Variants in GRK2 observed in about 807,000 individuals in gnomAD.
GRK2 encodes the protein adrenergic beta receptor kinase 1.
In GRK2, 23 loss-of-function variants were observed where a neutral mutation model predicts 97.8. The ratio of observed to expected loss-of-function variants is 0.24; its 90% CI spans 0.17 to 0.33. The LOEUF is 0.33. Ranked by LOEUF, GRK2 falls within the 10% of genes least tolerant of loss-of-function variation. GRK2 has a pLI of 1.00. For missense variants in GRK2, 633 were observed against 956.9 expected (o/e 0.66, Z 4.47); for synonymous variants, 425 against 381.7 (o/e 1.11, Z -1.32).
Position 67,285,491 on chromosome 11 carries a change from C to T in GRK2, c.*41C>T, listed in dbSNP as rs775108273. 15 of 1,486,376 alleles carry T rather than the reference C, an allele frequency of 1.0e-5. No homozygotes were observed. The highest frequency in any genetic ancestry group is 7.3e-5 in the Admixed American group (3 of 41,026). The allele number at this position is 1,486,376 out of a possible 1,614,324, so 92.1% of individuals were successfully genotyped here. ...TTTATAAACCTCTAATTTATTTTGT[C>T]GAATTTTTATTATTTGTTTTCCCGC... On this transcript the variant is annotated 3_prime_UTR_variant, in exon 21 of 21. Coordinates refer to ENST00000308595, the MANE Select transcript of GRK2 (RefSeq NM_001619.5).
chr11:67,284,149 G>A (rs1590855681), intron 17 of GRK2, 62 bp from the exon 18 acceptor site: 3 of 1,602,060 alleles, frequency 1.9e-6, no homozygotes, highest in East Asian at 4.5e-5. Flanking sequence ...GGCAGCCTGT[G>A]GCTGATGGTA....
Position 67,281,249 on chromosome 11 carries a change from G to T in GRK2, c.647+65G>T. 1 of 1,465,156 alleles carries T rather than the reference G, an allele frequency of 6.8e-7. No homozygotes were observed. The highest frequency in any genetic ancestry group is 1.8e-5 in the Admixed American group (1 of 56,348). 90.8% of individuals were successfully genotyped at this position (1,465,156 alleles called of 1,614,324 possible). On this transcript the variant is annotated intron_variant, in intron 8 of 20. Transcript: ENST00000308595. This position sits in a 1 kb window ranked among gnomAD's most constrained non-coding sequence, Gnocchi z 5.7. ...CCGGGCTCCTGGGGGACCCTGACAG[G>T]CCGGGTTCCACACAGGGCCACCTGC...
At chr11:67,280,938 C>A in intron 7 of GRK2, 155 bp downstream of exon 7, 2 of 1,121,154 alleles carry the variant, frequency 1.8e-6, no homozygotes, top group Non-Finnish European at 2.7e-6. Flanking sequence ...GGGATCCCAG[C>A]ATGGGGAGGC....
chr11:67,274,043 C>CA (rs1859968848), intron 1 of GRK2, among the ~76,000 whole-genome samples: 1 of 142,118 alleles, frequency 7.0e-6, no homozygotes, highest in Admixed American at 7.5e-5. Context: ...GACAGAGTCT[C>CA]ACTCTGTCAC....
At position 67,279,537 on chromosome 11, in the gene GRK2, G is replaced by T. The variant is rs777368680; in HGVS notation, c.366+18G>T. On this transcript the variant is annotated intron_variant, in intron 4 of 20. Coordinates refer to ENST00000308595, the MANE Select transcript of GRK2 (RefSeq NM_001619.5). ...GCTCGCATGTGAGTGTCCTCAGCTG[G>T]CCCTGTGTGCTGGCCCAGAGTCACC... The T allele has an allele frequency of 1.9e-5, 30 of 1,612,752 alleles. No homozygotes were observed. Among genetic ancestry groups the T allele is most frequent in the Non-Finnish European group, 2.5e-5 (29 of 1,179,868 alleles).
rs985699501 is a variant in GRK2 at position 67,286,374 on chromosome 11, G to A, written c.*924G>A. 31 of 697,986 alleles carry A rather than the reference G, an allele frequency of 4.4e-5. No homozygotes were observed. The highest frequency in any genetic ancestry group is 5.7e-5 in the Non-Finnish European group (22 of 383,222). 43.2% of individuals were successfully genotyped at this position (697,986 alleles called of 1,614,324 possible). A position where few individuals can be genotyped will look rare whatever the true frequency, so the allele number is the denominator to read the frequency against. ...TGTCAGTGCCGCCGCCTCGCCCACC[G>A]CATGCCCCCTCGTGCCAGTCGCGCT... On this transcript the variant is annotated 3_prime_UTR_variant, in exon 21 of 21. Coordinates refer to ENST00000308595, the MANE Select transcript of GRK2 (RefSeq NM_001619.5).
chr11:67,266,853 G>T (rs1375822671), intron 1 of GRK2, 41 bp downstream of exon 1: 4 of 1,055,156 alleles, frequency 3.8e-6, no homozygotes, highest in Admixed American at 9.3e-5. Context: ...GACCCCGCGG[G>T]CGCCCCGGCC....
rs1860235773 is a variant in GRK2 at position 67,284,833 on chromosome 11, G to C, written c.1655-14G>C. ...AGGTGGGGCCGGCTGAGTCTCCTCT[G>C]TCTCTCGCCTCAGACTACGCCCTGG... On this transcript the variant is annotated splice_polypyrimidine_tract_variant and intron_variant, in intron 18 of 20. Transcript: ENST00000308595. 3 of 1,611,128 alleles carry C rather than the reference G, an allele frequency of 1.9e-6. No homozygotes were observed. The highest frequency in any genetic ancestry group is 2.5e-6 in the Non-Finnish European group (3 of 1,179,516).
In GRK2 at chr11:67,281,396, CCT is replaced by C. The variant is rs1262952560; in HGVS notation, c.648-62_648-61del. On this transcript the variant is annotated intron_variant, in intron 8 of 20. Coordinates refer to ENST00000308595, the MANE Select transcript of GRK2 (RefSeq NM_001619.5). This position sits in a 1 kb window ranked among gnomAD's most constrained non-coding sequence, Gnocchi z 5.7. ...GGTCTAGTCTTTCCCTCAAGCGCCC[CCT>C]GAGGCAGCCCTGGGCCCCTGCTCTG... 2.9e-5 allele frequency: 43 copies of C among 1,492,188 alleles called. No individual in the cohort carries two copies. The highest frequency in any genetic ancestry group is 1.7e-4 in the Middle Eastern group (1 of 5,862). The allele number at this position is 1,492,188 out of a possible 1,614,324, so 92.4% of individuals were successfully genotyped here. A position where few individuals can be genotyped will look rare whatever the true frequency, so the allele number is the denominator to read the frequency against.
In GRK2 at chr11:67,282,018, G is replaced by A. The variant is rs1860163705; in HGVS notation, c.957+66G>A. 9 of 1,598,808 alleles carry A rather than the reference G, an allele frequency of 5.6e-6. No homozygotes were observed. The highest frequency in any genetic ancestry group is 7.7e-6 in the Non-Finnish European group (9 of 1,170,500). On this transcript the variant is annotated intron_variant, in intron 11 of 20. Coordinates refer to ENST00000308595, the MANE Select transcript of GRK2 (RefSeq NM_001619.5). This position sits in a 1 kb window ranked among gnomAD's most constrained non-coding sequence, Gnocchi z 6.9. ...GTCCTCTCCTTCCTCTCGACATCCC[G>A]GCCACCAGGCCCAGAGGAGTGGGGC... is the stretch of plus-strand genomic sequence containing the variant.
rs576362075 is a variant in GRK2, at chr11:67,286,444, G to A, written c.*994G>A. The stretch of plus-strand genomic sequence containing the variant: ...TTCTCCCCCCCGGGGCTGGGTTGGC[G>A]CACCCTCCCCTCCCGTCTACTCATT... On this transcript the variant is annotated 3_prime_UTR_variant, in exon 21 of 21. Transcript: ENST00000308595. The A allele has an allele frequency of 4.1e-5, 29 of 698,980 alleles. No homozygotes were observed. The highest frequency in any genetic ancestry group is 2.0e-4 in the Admixed American group (10 of 49,372). 43.3% of individuals were successfully genotyped at this position (698,980 alleles called of 1,614,324 possible).
chr11:67,286,142 G>T lies in GRK2; in HGVS notation c.*692G>T. ...CACCCGGGCTCAGGGACCACAGCAA[G>T]GCACCTGCAGGTTGGGCCATACTGG... On this transcript the variant is annotated 3_prime_UTR_variant, in exon 21 of 21. Coordinates refer to ENST00000308595, the MANE Select transcript of GRK2 (RefSeq NM_001619.5). The T allele has an allele frequency of 2.1e-6, 1 of 477,522 alleles. No individual in the cohort carries two copies. The highest frequency in any genetic ancestry group is 3.7e-6 in the Non-Finnish European group (1 of 270,312). 29.6% of individuals were successfully genotyped at this position (477,522 alleles called of 1,614,324 possible).
chr11:67,285,280 G>A lies in GRK2; in HGVS notation c.1906-6G>A, dbSNP rs1860251927. ...CAGCTGACAGAGCTGGGCTTGGCAT[G>A]TGCAGAGCGACCCTGAGCTGGTGCA... is the stretch of plus-strand genomic sequence containing the variant. On this transcript the variant is annotated splice_region_variant and splice_polypyrimidine_tract_variant and intron_variant, in intron 20 of 20. Transcript: ENST00000308595. 6.2e-7 allele frequency: 1 copy of A among 1,608,742 alleles called. No individual in the cohort carries two copies.
chr11:67,281,339 C>T lies in GRK2; in HGVS notation c.648-120C>T. ...CAGGCTCCTCTGGCCCCAGCCCTCC[C>T]TGTCTCTGATTTGTGTCACACGCTG... is the stretch of plus-strand genomic sequence containing the variant. On this transcript the variant is annotated intron_variant, in intron 8 of 20. Transcript: ENST00000308595. This position sits in a 1 kb window ranked among gnomAD's most constrained non-coding sequence, Gnocchi z 5.7. The T allele has an allele frequency of 8.9e-7, 1 of 1,128,072 alleles. No homozygotes were observed. Among genetic ancestry groups the T allele is most frequent in the Non-Finnish European group, 1.3e-6 (1 of 768,822 alleles). 69.9% of individuals were successfully genotyped at this position (1,128,072 alleles called of 1,614,324 possible).
chr11:67,282,693 C>T lies in GRK2; in HGVS notation c.1161-59C>T, dbSNP rs1860180927. 1.3e-6 allele frequency: 2 copies of T among 1,596,824 alleles called. No individual in the cohort carries two copies. Among genetic ancestry groups the T allele is most frequent in the Admixed American group, 1.7e-5 (1 of 58,554 alleles). On this transcript the variant is annotated intron_variant, in intron 13 of 20. Transcript: ENST00000308595. This position sits in a 1 kb window ranked among gnomAD's most constrained non-coding sequence, Gnocchi z 6.9. ...CTTTGGCCACAGCTCATCCATGCTG[C>T]CTGCCTCCCTTTCCCCATTCCTGTC...
At chr11:67,268,614 C>T (rs1200047553) in intron 1 of GRK2, among the ~76,000 whole-genome samples, 1 of 152,144 alleles carries the variant, frequency 6.6e-6, no homozygotes, top group African/African-American at 2.4e-5. Context: ...TGTCTGCGTT[C>T]GGGTAATCTC....
At chr11:67,280,942 G>C (rs1860135269) in intron 7 of GRK2, 151 bp from the exon 8 acceptor site, 1 of 1,119,702 alleles carries the variant, frequency 8.9e-7, no homozygotes. Flanking sequence ...TCCCAGCATG[G>C]GGAGGCCGGA....
chr11:67,284,926 G>A lies in GRK2; in HGVS notation c.1734G>A (p.Arg578=). 1.2e-6 allele frequency: 2 copies of A among 1,613,122 alleles called. No homozygotes were observed. The highest frequency in any genetic ancestry group is 1.7e-6 in the Non-Finnish European group (2 of 1,179,976). ...ACCCCTTCCTGACCCAGTGGCAGCGGCGGTACTTCTACCTGTTCCCCAACC... is the reference window on the plus strand; with the variant it reads ...ACCCCTTCCTGACCCAGTGGCAGCGACGGTACTTCTACCTGTTCCCCAACC... ...MGNPFLTQWQ[R]RYFYLFPNRL... The change falls in exon 19 of 21, where the codon CGG becomes CGA. Residue 578 remains arginine (R), a synonymous_variant. Coordinates refer to ENST00000308595, the MANE Select transcript of GRK2 (RefSeq NM_001619.5).
Position 67,284,288 on chromosome 11 carries a change from G to A in GRK2, c.1569G>A (p.Glu523=), listed in dbSNP as rs370321276. ...ISERWQQEVA[E]TVFDTINAET... ...AGCGGTGGCAGCAGGAGGTGGCAGA[G>A]ACTGTCTTCGACACCATCAACGCTG... Residue 523 remains glutamate, a synonymous_variant, in exon 18 of 21, where the codon GAG becomes GAA. Coordinates refer to ENST00000308595, the MANE Select transcript of GRK2 (RefSeq NM_001619.5). 2 of 1,613,448 alleles carry A rather than the reference G, an allele frequency of 1.2e-6. No individual in the cohort carries two copies. The highest frequency in any genetic ancestry group is 2.2e-5 in the South Asian group (2 of 91,084).
Sources: gnomAD v4.1 joint callset for allele counts (sites outside exome capture counted in the v4.1 genomes callset) on GRCh38, gnomAD v4.1.1 for gene constraint, Gnocchi (gnomAD v3.1) non-coding constraint, MANE v1.5 for transcripts, NCBI Gene and HGNC (gene_info 2026-07-23, HGNC 2026-07-21) for gene names.